Variants in VTI1A observed in about 807,000 individuals in gnomAD.
VTI1A encodes vesicle transport through interaction with t-SNAREs homolog 1A.
A neutral mutation model predicts 34.9 loss-of-function variants in VTI1A; 22 were observed. The observed-to-expected ratio is 0.63, with a 90% confidence interval of 0.45 to 0.90. The LOEUF (loss-of-function observed/expected upper bound fraction) is 0.90, where lower values mean the gene tolerates loss of function less well. VTI1A is among the 40% of genes least tolerant of loss of function. The pLI is 0.00. For missense variants in VTI1A, 268 were observed against 275.6 expected (o/e 0.97, Z 0.20); for synonymous variants, 87 against 97.3 (o/e 0.89, Z 0.62).
chr10:112,634,471 G>A (rs913471274), intron 5 of VTI1A, among the ~76,000 whole-genome samples: 1 of 148,522 alleles, frequency 6.7e-6, no homozygotes, highest in Admixed American at 6.8e-5. Flanking sequence ...TCATACCATT[G>A]CCTCTCGGTG....
At chr10:112,665,487 G>A (rs575905425) in intron 5 of VTI1A, among the ~76,000 whole-genome samples, 11 of 152,240 alleles carry the variant, frequency 7.2e-5, no homozygotes, top group South Asian at 2.1e-4. Flanking sequence ...TGTTACGACC[G>A]GGATGCATAC....
intron 5 of VTI1A, among the ~76,000 whole-genome samples, chr10:112,649,882 A>T (rs1846944157): frequency 6.6e-6 from 1 of 152,158 alleles, no homozygotes; most frequent in South Asian, 2.1e-4. Context: ...AAAATGATCC[A>T]CCTGGACGGG....
rs10612255 is a variant in VTI1A, at chr10:112,743,013, CGTGTGTGTGTGTGTGTGTGT to C, written c.561-72252_561-72233del. Among the ~76,000 whole-genome samples, 3 of 141,982 alleles carry C rather than the reference CGTGTGTGTGTGTGTGTGTGT, an allele frequency of 2.1e-5. No homozygotes were observed. In the South Asian group the frequency reaches 7.2e-4, roughly 34 times the overall value. 93.1% of individuals were successfully genotyped at this position (141,982 alleles called of 152,430 possible). On this transcript the variant is annotated intron_variant, in intron 7 of 7. Coordinates refer to ENST00000393077, the MANE Select transcript of VTI1A (RefSeq NM_145206.4). ...TGTTGATTTAGCTGGGACCTATTCT[CGTGTGTGTGTGTGTGTGTGT>C]GTGTGTGTGTGTGTGTGTGTGTGTC...
At chr10:112,742,152 G>A (rs1163594201) in intron 7 of VTI1A, among the ~76,000 whole-genome samples, 1 of 152,314 alleles carries the variant, frequency 6.6e-6, no homozygotes, top group East Asian at 1.9e-4. Flanking sequence ...GGCTAATGTG[G>A]TGACTGACAG....
At chr10:112,759,414 T>A (rs1277008168) in intron 7 of VTI1A, among the ~76,000 whole-genome samples, 1 of 152,196 alleles carries the variant, frequency 6.6e-6, no homozygotes, top group Non-Finnish European at 1.5e-5. Flanking sequence ...TGTTGAAGTA[T>A]CATGTTTTGA....
chr10:112,728,692 T>C (rs1194751845), intron 7 of VTI1A, among the ~76,000 whole-genome samples: 1 of 152,204 alleles, frequency 6.6e-6, no homozygotes, highest in Non-Finnish European at 1.5e-5. Flanking sequence ...TGGGGGTAAT[T>C]AGGGGCTCAG....
intron 7 of VTI1A, among the ~76,000 whole-genome samples, chr10:112,713,573 A>T (rs890839634): frequency 6.6e-6 from 1 of 152,228 alleles, no homozygotes; most frequent in African/African-American, 2.4e-5. Flanking sequence ...CAGCAGCTCC[A>T]GTCTATCAGC....
chr10:112,467,721 A>G (rs1326701098), intron 3 of VTI1A, among the ~76,000 whole-genome samples: 1 of 152,238 alleles, frequency 6.6e-6, no homozygotes, highest in Non-Finnish European at 1.5e-5. Context: ...TTACTTTAAC[A>G]TACATTATTT....
At chr10:112,623,165 C>G (rs1438471560) in intron 5 of VTI1A, among the ~76,000 whole-genome samples, 2 of 152,042 alleles carry the variant, frequency 1.3e-5, no homozygotes, top group Non-Finnish European at 2.9e-5. Context: ...GATCTTAATG[C>G]TCTTAAACCA....
chr10:112,838,964 A>G, the VTI1A span, among the ~76,000 whole-genome samples: 4 of 152,200 alleles, frequency 2.6e-5, no homozygotes, highest in East Asian at 7.7e-4. Flanking sequence ...CAGAGTTTGC[A>G]GCTGATGCAA....
At chr10:112,599,633 G>T (rs1227591357) in intron 5 of VTI1A, among the ~76,000 whole-genome samples, 1 of 152,088 alleles carries the variant, frequency 6.6e-6, no homozygotes, top group African/African-American at 2.4e-5. Flanking sequence ...AGGCAGGAGT[G>T]CAGTGGCATG....
chr10:112,564,874 G>T (rs1029052366), intron 5 of VTI1A, among the ~76,000 whole-genome samples: 1 of 152,084 alleles, frequency 6.6e-6, no homozygotes, highest in South Asian at 2.1e-4. Flanking sequence ...ATGAGTGTTT[G>T]CCAATAATTT....
intron 7 of VTI1A, among the ~76,000 whole-genome samples, chr10:112,811,879 G>T (rs892652431): frequency 1.3e-4 from 20 of 152,132 alleles, no homozygotes; most frequent in African/African-American, 4.8e-4. Context: ...GATTCCGGCT[G>T]CCACACGCAG....
chr10:112,603,504 G>C (rs1316887967), intron 5 of VTI1A, among the ~76,000 whole-genome samples: 1 of 152,050 alleles, frequency 6.6e-6, no homozygotes, highest in Non-Finnish European at 1.5e-5. Context: ...CATTTCAGTA[G>C]TAATAGTAAT....
chr10:112,632,556 TGG>T (rs1328394704), intron 5 of VTI1A, among the ~76,000 whole-genome samples: 2 of 152,162 alleles, frequency 1.3e-5, no homozygotes, highest in African/African-American at 4.8e-5. Context: ...GACTCCACCA[TGG>T]GGATCGTTGC....
intron 7 of VTI1A, among the ~76,000 whole-genome samples, chr10:112,675,271 T>C (rs1259218873): frequency 6.6e-6 from 1 of 152,160 alleles, no homozygotes; most frequent in African/African-American, 2.4e-5. Context: ...ATGGATACTG[T>C]TACTCCCATT....
At chr10:112,804,766 C>T (rs12573552) in intron 7 of VTI1A, among the ~76,000 whole-genome samples, 1 of 152,020 alleles carries the variant, frequency 6.6e-6, no homozygotes, top group Non-Finnish European at 1.5e-5. Context: ...TCAGCCAGAC[C>T]TGCCAGACCT....
intron 5 of VTI1A, among the ~76,000 whole-genome samples, chr10:112,618,157 AAAAT>A (rs1845575525): frequency 6.6e-6 from 1 of 152,044 alleles, no homozygotes; most frequent in Non-Finnish European, 1.5e-5. Context: ...CCATCTCAAA[AAAAT>A]AAATAAATAA....
chr10:112,539,296 A>G (rs574610838), intron 5 of VTI1A, among the ~76,000 whole-genome samples: 1 of 152,344 alleles, frequency 6.6e-6, no homozygotes, highest in South Asian at 2.1e-4. Flanking sequence ...AAATGATTCC[A>G]AATAATTTCT....
Sources: gnomAD v4.1 joint callset for allele counts (sites outside exome capture counted in the v4.1 genomes callset) on GRCh38, gnomAD v4.1.1 for gene constraint, MANE v1.5 for transcripts, NCBI Gene and HGNC (gene_info 2026-07-23, HGNC 2026-07-21) for gene names.